Variants in RFX1 observed in about 807,000 individuals in gnomAD.
RFX1 encodes regulatory factor X1.
In RFX1, 42 loss-of-function variants were observed where a neutral mutation model predicts 119.6. The ratio of observed to expected loss-of-function variants is 0.35; its 90% CI spans 0.27 to 0.45. The LOEUF (loss-of-function observed/expected upper bound fraction) is 0.45. Among genes scored for constraint, RFX1 ranks in the 20% least tolerant of loss-of-function variants. RFX1 has a pLI of 1.00. For missense variants in RFX1, 1,118 were observed against 1,368.1 expected, an observed-to-expected ratio of 0.82 and a Z score of 2.88; for synonymous variants, 628 against 618.5, an observed-to-expected ratio of 1.02 and a Z score of -0.23.
At chr19:13,983,389 G>T in intron 3 of RFX1, 97 bp downstream of exon 3, 1 of 1,240,996 alleles carries the variant, frequency 8.1e-7, no homozygotes, top group Non-Finnish European at 1.1e-6. Flanking sequence ...GATGGCTCCA[G>T]CAGGAAGCGG....
In RFX1 at chr19:13,968,729, G is replaced by C; in HGVS notation, c.1616+46C>G. 1.2e-6 allele frequency: 2 copies of C among 1,607,238 alleles called. No homozygotes were observed. Among genetic ancestry groups the C allele is most frequent in the Non-Finnish European group, 1.7e-6 (2 of 1,177,600 alleles). ...CCGGCTGCTGGGGGCCGGCCTGTGT[G>C]CCCTTCCCCGCCTGCCCTGCCCTGG... On this transcript the variant is annotated intron_variant, in intron 11 of 20. Transcript: ENST00000254325. The surrounding 1 kb of genome is among the most constrained non-coding windows in gnomAD (Gnocchi z 5.5).
rs1973676546 is a variant in RFX1, at chr19:13,961,834, A to C, written c.*861T>G. On this transcript the variant is annotated 3_prime_UTR_variant, in exon 21 of 21. Coordinates refer to ENST00000254325, the MANE Select transcript of RFX1 (RefSeq NM_002918.5). ...ATAAGGCCATGATGGTTGGAAAAAA[A>C]CCCAACAAGTTACCAACTCCGCTCG... 1.3e-5 allele frequency: 2 copies of C among 152,378 alleles called. No homozygotes were observed. Among genetic ancestry groups the C allele is most frequent in the Admixed American group, 1.3e-4 (2 of 15,292 alleles). The allele number at this position is 152,378 out of a possible 1,614,324, so 9.4% of individuals were successfully genotyped here. A position where few individuals can be genotyped will look rare whatever the true frequency, so the allele number is the denominator to read the frequency against.
intron 6 of RFX1, among the ~76,000 whole-genome samples, chr19:13,979,878 T>C (rs908922944): frequency 6.6e-6 from 1 of 152,140 alleles, no homozygotes; most frequent in Admixed American, 6.5e-5. Flanking sequence ...TGCCCTGTTC[T>C]GTGCTGTGGC....
intron 1 of RFX1, among the ~76,000 whole-genome samples, chr19:13,996,169 G>A (rs1272797856): frequency 6.6e-6 from 1 of 152,182 alleles, no homozygotes; most frequent in Non-Finnish European, 1.5e-5. Flanking sequence ...CAGATGGTTT[G>A]GGGACCCTTG....
chr19:13,962,923 C>T, intron 20 of RFX1, 59 bp from the exon 21 acceptor site: 1 of 1,544,858 alleles, frequency 6.5e-7, no homozygotes, highest in South Asian at 1.2e-5. Context: ...CGGGCTCCTC[C>T]TCCTCCCGAG....
rs777766490 is a variant in RFX1, at chr19:13,985,924, C to T, written c.320-2329G>A. ...GTGTTGGGGGAGGCCTCCGCGTAGCCGCATGTGGGCTGTGGGGCATTTGGT... is the reference window on the plus strand; with the variant it reads ...GTGTTGGGGGAGGCCTCCGCGTAGCTGCATGTGGGCTGTGGGGCATTTGGT... On this transcript the variant is annotated intron_variant, in intron 2 of 20. Coordinates refer to ENST00000254325, the MANE Select transcript of RFX1 (RefSeq NM_002918.5). The surrounding 1 kb of genome is among the most constrained non-coding windows in gnomAD (Gnocchi z 4.3). Among the ~76,000 whole-genome samples the T allele has an allele frequency of 5.9e-5, 9 of 152,214 alleles. No individual in the cohort carries two copies. Among genetic ancestry groups the T allele is most frequent in the Non-Finnish European group, 1.3e-4 (9 of 68,016 alleles).
Position 13,962,726 on chromosome 19 carries a change from C to G in RFX1, c.2909G>C (p.Gly970Ala). 2 of 1,529,904 alleles carry G rather than the reference C, an allele frequency of 1.3e-6. No homozygotes were observed. Among genetic ancestry groups the G allele is most frequent in the Non-Finnish European group, 1.7e-6 (2 of 1,143,864 alleles). The allele number at this position is 1,529,904 out of a possible 1,614,324, so 94.8% of individuals were successfully genotyped here. A position where few individuals can be genotyped will look rare whatever the true frequency, so the allele number is the denominator to read the frequency against. Residue 970 changes from glycine (G) to alanine (A), a missense_variant, in exon 21 of 21, where the codon GGC becomes GCC. Around this residue, in one of 5 missense-constraint regions of RFX1, gnomAD observed 138 missense variants for 117.8 expected, o/e 1.17. Coordinates refer to ENST00000254325, the MANE Select transcript of RFX1 (RefSeq NM_002918.5). ...GGAGGGCAGCGCCTGCACGAAGAGG[C>G]CGCGCGCGTCAGTCCGCGCCAGCTT... ...PAKLARTDAR[G>A]LFVQALPSS
At chr19:13,967,209 G>A (rs1186809676) in intron 12 of RFX1, among the ~76,000 whole-genome samples, 3 of 152,206 alleles carry the variant, frequency 2.0e-5, no homozygotes, top group Non-Finnish European at 4.4e-5. Context: ...GGATGTCCCG[G>A]CCTCCAGGGC....
At chr19:13,983,688 C>G (rs1420749158) in intron 2 of RFX1, 93 bp from the exon 3 acceptor site, 1 of 1,083,034 alleles carries the variant, frequency 9.2e-7, no homozygotes, top group Non-Finnish European at 1.3e-6. Flanking sequence ...CAGCCTGAAG[C>G]CAACCCCCAG....
In RFX1 at chr19:13,968,295, G is replaced by T. The variant is rs1973967368; in HGVS notation, c.1732+270C>A. 6.6e-6 allele frequency among the ~76,000 whole-genome samples: 1 copy of T among 152,116 alleles called. No homozygotes were observed. The highest frequency in any genetic ancestry group is 1.5e-5 in the Non-Finnish European group (1 of 68,018). On this transcript the variant is annotated intron_variant, in intron 12 of 20. Coordinates refer to ENST00000254325, the MANE Select transcript of RFX1 (RefSeq NM_002918.5). The surrounding 1 kb of genome is among the most constrained non-coding windows in gnomAD (Gnocchi z 5.5). ...ACAAAAATAAAGAAAATCTCAAGTA[G>T]CATAAAGGGGATTCACTGGGAAGCT...
chr19:13,989,281 C>A (rs977539414), intron 2 of RFX1, among the ~76,000 whole-genome samples: 3 of 151,780 alleles, frequency 2.0e-5, no homozygotes. Flanking sequence ...TGGAAGTGGG[C>A]GAGGCTGGGA....
Position 13,965,913 on chromosome 19 carries a change from G to T in RFX1, c.1962-136C>A. 9.4e-7 allele frequency: 1 copy of T among 1,059,396 alleles called. No homozygotes were observed. The highest frequency in any genetic ancestry group is 2.5e-5 in the East Asian group (1 of 40,034). The allele number at this position is 1,059,396 out of a possible 1,614,324, so 65.6% of individuals were successfully genotyped here. On this transcript the variant is annotated intron_variant, in intron 14 of 20. Transcript: ENST00000254325. The surrounding 1 kb of genome is among the most constrained non-coding windows in gnomAD (Gnocchi z 4.7). The stretch of plus-strand genomic sequence containing the variant: ...TGTGGTTCTACCCCCAGCATCAGAA[G>T]GCACAGGTACCCCCTTACCCCCACT...
In RFX1 at chr19:13,963,601, T is replaced by A; in HGVS notation, c.2507A>T (p.Tyr836Phe). 2 of 1,604,358 alleles carry A rather than the reference T, an allele frequency of 1.2e-6. No homozygotes were observed. The highest frequency in any genetic ancestry group is 1.7e-6 in the Non-Finnish European group (2 of 1,178,970). ...CTTGGGGAAGCCGGCGCTGCCCTGG[T>A]AGGGCTTGAGCACCTGGCTCACCAC... ...DGVVSQVLKP[Y>F]QGSAGFPKAA... Residue 836 changes from tyrosine (Y) to phenylalanine (F), a missense_variant, in exon 18 of 21, where the codon TAC becomes TTC. Transcript: ENST00000254325.
At chr19:13,975,393 A>G (rs1443520764) in intron 8 of RFX1, among the ~76,000 whole-genome samples, 2 of 152,036 alleles carry the variant, frequency 1.3e-5, no homozygotes, top group Non-Finnish European at 2.9e-5. Flanking sequence ...ACATCCAGAA[A>G]GACAGTGTGG....
chr19:13,993,320 G>C (rs1339454267), intron 2 of RFX1, among the ~76,000 whole-genome samples: 2 of 152,062 alleles, frequency 1.3e-5, no homozygotes, highest in Non-Finnish European at 2.9e-5. Context: ...ACCAAAAAAA[G>C]AAGCTCTAAG....
chr19:13,963,831 G>GCCCCCCCCCCCCCCC, intron 17 of RFX1, 27 bp downstream of exon 17: 1 of 1,487,654 alleles, frequency 6.7e-7, no homozygotes, highest in Non-Finnish European at 8.9e-7. Context: ...CCCCTCATTC[G>GCCCCCCCCCCCCCCC]CCCGCCCCGC....
chr19:13,983,344 G>T, intron 3 of RFX1, 74 bp from the exon 4 acceptor site: 1 of 1,336,054 alleles, frequency 7.5e-7, no homozygotes, highest in Non-Finnish European at 1.0e-6. Context: ...GTGGCGGGCG[G>T]CTGCTGTGCA....
At chr19:13,976,752 G>A (rs564418056) in intron 8 of RFX1, among the ~76,000 whole-genome samples, 1 of 152,352 alleles carries the variant, frequency 6.6e-6, no homozygotes, top group South Asian at 2.1e-4. Flanking sequence ...TGTAATCCCA[G>A]CACTTTCGGA....
intron 8 of RFX1, among the ~76,000 whole-genome samples, chr19:13,975,701 G>C (rs11085876): frequency 0.49 from 74,807 of 152,152 alleles, 20,087 homozygotes; most frequent in African/African-American, 0.73. Context: ...GCTGCAAAAA[G>C]GTTGCTTTGG....
Sources: gnomAD v4.1 joint callset for allele counts (sites outside exome capture counted in the v4.1 genomes callset) on GRCh38, gnomAD v4.1.1 for gene constraint, gnomAD v4.1.1 regional missense constraint, Gnocchi (gnomAD v3.1) non-coding constraint, MANE v1.5 for transcripts, NCBI Gene and HGNC (gene_info 2026-07-23, HGNC 2026-07-21) for gene names.